PAM: variants seen among roughly 807,000 people sequenced by gnomAD.
PAM encodes peptidyl-glycine alpha-amidating monooxygenase.
PAM carries 72 observed loss-of-function variants against 122.1 expected under a neutral mutation model. The ratio of observed to expected loss-of-function variants is 0.59; its 90% confidence interval spans 0.49 to 0.72. The LOEUF (loss-of-function observed/expected upper bound fraction) is 0.72, where lower values mean the gene tolerates loss of function less well. PAM is among the 30% of genes least tolerant of loss of function. PAM has a pLI of 0.00. For missense variants in PAM, 1,106 were observed against 1,183.7 expected (o/e 0.93, Z 0.96); for synonymous variants, 389 against 404.4 (o/e 0.96, Z 0.46).
chr5:102,764,004 A>G (rs752097991), intron 1 of PAM, among the ~76,000 whole-genome samples: 6 of 152,160 alleles, frequency 3.9e-5, no homozygotes, highest in South Asian at 2.1e-4. Flanking sequence ...TTGACATGAC[A>G]GTGTGTACCA....
At chr5:102,824,116 T>C (rs1772871549) in intron 1 of PAM, among the ~76,000 whole-genome samples, 1 of 152,186 alleles carries the variant, frequency 6.6e-6, no homozygotes, top group South Asian at 2.1e-4. Flanking sequence ...AAAGATGCTA[T>C]TGATCCTTAA....
chr5:103,000,830 T>G (rs1275818124), intron 16 of PAM, among the ~76,000 whole-genome samples: 1 of 152,188 alleles, frequency 6.6e-6, no homozygotes, highest in Non-Finnish European at 1.5e-5. Context: ...AACCACCCCA[T>G]GATTCAATTA....
intron 16 of PAM, 27 bp downstream of exon 16, chr5:102,990,428 C>T (rs751197558): frequency 6.5e-7 from 1 of 1,532,148 alleles, no homozygotes; most frequent in Non-Finnish European, 8.9e-7. Context: ...CTTCAATAAG[C>T]AAATGAAAAT....
intron 1 of PAM, among the ~76,000 whole-genome samples, chr5:102,858,376 G>A (rs1394317423): frequency 2.6e-5 from 4 of 152,152 alleles, no homozygotes; most frequent in Admixed American, 1.3e-4. Flanking sequence ...TGCCATAACT[G>A]AGGGGAATGC....
intron 1 of PAM, among the ~76,000 whole-genome samples, chr5:102,787,152 T>G (rs1169030520): frequency 1.3e-5 from 2 of 152,132 alleles, no homozygotes; most frequent in East Asian, 3.8e-4. Context: ...AGCATTTTAT[T>G]TATCCTCCTC....
chr5:102,938,361 G>T (rs911407830), intron 7 of PAM, among the ~76,000 whole-genome samples: 3 of 152,144 alleles, frequency 2.0e-5, no homozygotes, highest in East Asian at 3.9e-4. Context: ...CATTCATAGG[G>T]TTATGAGAAG....
Position 102,924,358 on chromosome 5 carries a change from A to C in PAM, c.357-599A>C, listed in dbSNP as rs547845245. On this transcript the variant is annotated intron_variant, in intron 5 of 25. Transcript: ENST00000438793. ...TGAGGCAGGAGAATCGCTTGAACCCAGGAGGCGGAGGTTGCAGTGAGTCAA... is the reference window on the plus strand; with the variant it reads ...TGAGGCAGGAGAATCGCTTGAACCCCGGAGGCGGAGGTTGCAGTGAGTCAA... Among the ~76,000 whole-genome samples, 228 of 149,188 alleles carry C rather than the reference A, an allele frequency of 1.5e-3. 1 individual carries two copies. Among genetic ancestry groups the C allele is most frequent in the African/African-American group, 5.4e-3 (219 of 40,402 alleles).
At chr5:102,804,610 C>A (rs1381992544) in intron 1 of PAM, among the ~76,000 whole-genome samples, 2 of 152,194 alleles carry the variant, frequency 1.3e-5, no homozygotes, top group African/African-American at 4.8e-5. Flanking sequence ...ACTTTTCAGT[C>A]CTTGGAACAT....
In PAM at chr5:102,959,882, T is replaced by A. The variant is rs368028632; in HGVS notation, c.913T>A (p.Ser305Thr). ...TCTTTTTTTTGCCTGCAGTGGCACG[T>A]CTAGTGATGAAATGTGCAACTTATA... ...RTEATHIGGT[S>T]SDEMCNLYIM... The change falls in exon 13 of 26, where the codon TCT (serine) becomes ACT (threonine). Residue 305 changes from serine to threonine, a missense_variant. Around this residue, in one of 3 missense-constraint regions of PAM, gnomAD observed 670 missense variants for 690.3 expected, o/e 0.97. Transcript: ENST00000438793. 15 of 1,609,528 alleles carry A rather than the reference T, an allele frequency of 9.3e-6. No homozygotes were observed. Among genetic ancestry groups the A allele is most frequent in the African/African-American group, 2.7e-5 (2 of 74,786 alleles).
At chr5:103,016,972 G>A (rs1224203682) in intron 21 of PAM, among the ~76,000 whole-genome samples, 2 of 152,136 alleles carry the variant, frequency 1.3e-5, no homozygotes, top group African/African-American at 4.8e-5. Flanking sequence ...TTAAAAGGTA[G>A]AAGAAACATG....
intron 1 of PAM, among the ~76,000 whole-genome samples, chr5:102,858,850 T>C (rs1236950353): frequency 6.6e-6 from 1 of 152,212 alleles, no homozygotes; most frequent in African/African-American, 2.4e-5. Flanking sequence ...GTCACATGCC[T>C]CATAATGATG....
At chr5:102,972,328 C>G (rs1023097002) in intron 14 of PAM, among the ~76,000 whole-genome samples, 2 of 152,180 alleles carry the variant, frequency 1.3e-5, no homozygotes, top group Non-Finnish European at 2.9e-5. Flanking sequence ...GTCACTCAGG[C>G]TGGAGTACCG....
intron 1 of PAM, 43 bp downstream of exon 1, chr5:102,755,391 G>A (rs894618835): frequency 2.6e-5 from 4 of 152,350 alleles, no homozygotes; most frequent in African/African-American, 7.2e-5. Flanking sequence ...GAGGCGGTCA[G>A]GGCAAGGGTG....
chr5:102,898,998 C>T (rs181847418), intron 3 of PAM, among the ~76,000 whole-genome samples: 84 of 151,590 alleles, frequency 5.5e-4, no homozygotes, highest in Non-Finnish European at 1.0e-3. Context: ...ATAGAAACTT[C>T]TAATTGTGTA....
chr5:102,810,215 T>C (rs1767495707), intron 1 of PAM, among the ~76,000 whole-genome samples: 1 of 152,236 alleles, frequency 6.6e-6, no homozygotes, highest in African/African-American at 2.4e-5. Context: ...TCTGCCATTT[T>C]GAACCCTTAA....
intron 21 of PAM, among the ~76,000 whole-genome samples, chr5:103,010,450 A>T (rs564145454): frequency 6.0e-4 from 91 of 152,340 alleles, no homozygotes; most frequent in African/African-American, 2.0e-3. Flanking sequence ...AACTGTGTTC[A>T]GTGTGCCCAT....
intron 1 of PAM, among the ~76,000 whole-genome samples, chr5:102,766,334 A>C (rs553377979): frequency 6.6e-6 from 1 of 152,314 alleles, no homozygotes; most frequent in African/African-American, 2.4e-5. Context: ...TGACTGTCCC[A>C]TCTGGGGGTG....
rs959071115 is a variant in PAM at position 102,901,125 on chromosome 5, G to C, written c.211-231G>C. 3.3e-5 allele frequency among the ~76,000 whole-genome samples: 5 copies of C among 151,486 alleles called. No homozygotes were observed. The East Asian group carries it at 9.8e-4, about 30-fold the overall frequency. ...GAGTATTAGAAATATCACTCATGAT[G>C]ATTGGCTTTATAAATAGGATCTAAA... On this transcript the variant is annotated intron_variant, in intron 3 of 25. Transcript: ENST00000438793.
At chr5:102,765,264 T>A (rs1417588261) in intron 1 of PAM, among the ~76,000 whole-genome samples, 2 of 152,214 alleles carry the variant, frequency 1.3e-5, no homozygotes, top group Non-Finnish European at 2.9e-5. Context: ...TGTATATATG[T>A]GACATTGGCC....
Sources: allele counts gnomAD v4.1 joint callset (sites outside exome capture counted in the v4.1 genomes callset), GRCh38; gene constraint gnomAD v4.1.1; regional missense constraint gnomAD v4.1.1; transcripts MANE v1.5; gene names NCBI Gene and HGNC (gene_info 2026-07-23, HGNC 2026-07-21).